The following NINL variants were observed in gnomAD, a reference collection of about 807,000 sequenced individuals.
NINL encodes the protein ninein-like protein.
In NINL, 153 loss-of-function variants were observed where a neutral mutation model predicts 160.3. The observed-to-expected ratio is 0.95, with a 90% CI of 0.84 to 1.09. NINL has a LOEUF of 1.09. NINL is among the 50% of genes least tolerant of loss of function. NINL has a pLI of 0.00. For missense variants in NINL, 1,829 were observed against 1,764.0 expected, an observed-to-expected ratio of 1.04 and a Z score of -0.66; for synonymous variants, 800 against 734.8, an observed-to-expected ratio of 1.09 and a Z score of -1.43.
At position 25,484,976 on chromosome 20, in the gene NINL, T is replaced by C. The variant is rs2063478421; in HGVS notation, c.1678-2876A>G. ...AGCGAGCGGGGCACAACATCACCCA[T>C]GTGCTGTGCCAGCTGAGGATGCACA... On this transcript the variant is annotated intron_variant, in intron 13 of 23. Coordinates refer to ENST00000278886, the MANE Select transcript of NINL (RefSeq NM_025176.6). Among the ~76,000 whole-genome samples, 5 of 152,340 alleles carry C rather than the reference T, an allele frequency of 3.3e-5. 1 individual carries two copies. Among genetic ancestry groups the C allele is most frequent in the African/African-American group, 1.2e-4 (5 of 41,568 alleles).
At chr20:25,532,076 C>T (rs749730431) in intron 1 of NINL, among the ~76,000 whole-genome samples, 4 of 152,146 alleles carry the variant, frequency 2.6e-5, no homozygotes, top group South Asian at 2.1e-4. Flanking sequence ...GCCTGGCCCA[C>T]GACACTGCAA....
intron 17 of NINL, 77 bp downstream of exon 17, chr20:25,475,966 T>C: frequency 1.4e-6 from 2 of 1,458,536 alleles, no homozygotes; most frequent in Non-Finnish European, 1.9e-6. Context: ...ATAGCACCAT[T>C]AGCAACAGGG....
chr20:25,489,034 G>A (rs2063562763), intron 13 of NINL: 1 of 591,164 alleles, frequency 1.7e-6, no homozygotes. Context: ...GCCCTGCATG[G>A]TCCCTGGACA....
chr20:25,481,932 C>A (rs1376465566), intron 14 of NINL, 36 bp downstream of exon 14: 6 of 1,586,594 alleles, frequency 3.8e-6, no homozygotes, highest in South Asian at 2.2e-5. Flanking sequence ...CAACAGCAGG[C>A]CTTGGGTCAG....
chr20:25,462,565 C>A, intron 19 of NINL, 24 bp from the exon 20 acceptor site: 3 of 1,577,788 alleles, frequency 1.9e-6, no homozygotes, highest in South Asian at 1.2e-5. Flanking sequence ...TTTTTAAATA[C>A]ATAAGAAAAA....
At chr20:25,556,426 C>T (rs1308971037) in intron 1 of NINL, among the ~76,000 whole-genome samples, 1 of 152,070 alleles carries the variant, frequency 6.6e-6, no homozygotes. Context: ...GAGTTTGAGA[C>T]TAGCCTGGGT....
intron 1 of NINL, among the ~76,000 whole-genome samples, chr20:25,530,435 T>C (rs394798): frequency 0.027 from 4,117 of 152,210 alleles, 177 homozygotes; most frequent in African/African-American, 0.09. Flanking sequence ...GAGAGAGACG[T>C]TGGGCAAATC....
intron 1 of NINL, among the ~76,000 whole-genome samples, chr20:25,578,075 G>T (rs2065136128): frequency 6.7e-6 from 1 of 149,518 alleles, no homozygotes; most frequent in African/African-American, 2.5e-5. Flanking sequence ...CAGGTGATCT[G>T]CCTGCCTCGG....
At position 25,476,500 on chromosome 20, in the gene NINL, C is replaced by T. The variant is rs763880847; in HGVS notation, c.2791G>A (p.Ala931Thr). 1.2e-6 allele frequency: 2 copies of T among 1,603,796 alleles called. No homozygotes were observed. The highest frequency in any genetic ancestry group is 1.7e-5 in the Admixed American group (1 of 59,998). ...CGGGCTCCAGGCTGCTCCAGCCCCG[C>T]TGCGCTCGCGCCGAAAGGCTCTGGC... ...KEPEPFGASA[A>T]GLEQPGAREL... The change falls in exon 17 of 24, where the codon GCG becomes ACG. Residue 931 changes from alanine to threonine, a missense_variant. Transcript: ENST00000278886.
chr20:25,585,021 C>G (rs1416285697), intron 1 of NINL, among the ~76,000 whole-genome samples: 1 of 151,506 alleles, frequency 6.6e-6, no homozygotes, highest in East Asian at 1.9e-4. Context: ...AATCCTGGGC[C>G]TCGACCAGAC....
chr20:25,560,084 TA>T (rs1343093378), intron 1 of NINL, among the ~76,000 whole-genome samples: 2 of 152,320 alleles, frequency 1.3e-5, no homozygotes, highest in African/African-American at 4.8e-5. Flanking sequence ...TAGCTGGGAC[TA>T]CAGCCATGTG....
chr20:25,498,160 C>T (rs199631282), intron 9 of NINL, 50 bp downstream of exon 9: 15 of 1,604,416 alleles, frequency 9.3e-6, no homozygotes, highest in African/African-American at 1.3e-5. Context: ...CCTCCAGGCC[C>T]ACCTGGCCAG....
intron 9 of NINL, 71 bp from the exon 10 acceptor site, chr20:25,496,874 G>T: frequency 6.3e-7 from 1 of 1,582,842 alleles, no homozygotes; most frequent in East Asian, 2.2e-5. Flanking sequence ...AGGTGGCTCT[G>T]GGCCCCATAT....
chr20:25,522,874 C>T (rs899837530), intron 2 of NINL, among the ~76,000 whole-genome samples: 1 of 152,204 alleles, frequency 6.6e-6, no homozygotes, highest in Non-Finnish European at 1.5e-5. Context: ...TCTGCATGAT[C>T]TTAGACTCAT....
At chr20:25,460,968 A>G (rs768863761) in intron 21 of NINL, among the ~76,000 whole-genome samples, 3 of 151,992 alleles carry the variant, frequency 2.0e-5, no homozygotes, top group South Asian at 4.1e-4. Flanking sequence ...CCCCCTCCAC[A>G]AGCATCCCCT....
rs960838569 is a variant in NINL at position 25,505,991 on chromosome 20, C to T, written c.518-913G>A. On this transcript the variant is annotated intron_variant, in intron 5 of 23. Coordinates refer to ENST00000278886, the MANE Select transcript of NINL (RefSeq NM_025176.6). Reference sequence around the variant, plus strand: ...TTAAAAGAGGCAGAGGGGCTGGGCGCGGTGGCTTACGCCTGTAATCCCAGC... The same window carrying T: ...TTAAAAGAGGCAGAGGGGCTGGGCGTGGTGGCTTACGCCTGTAATCCCAGC... Among the ~76,000 whole-genome samples the T allele has an allele frequency of 1.8e-4, 28 of 152,204 alleles. 1 individual carries two copies. The highest frequency in any genetic ancestry group is 3.9e-4 in the African/African-American group (16 of 41,450).
chr20:25,484,588 A>T (rs1381623504), intron 13 of NINL, among the ~76,000 whole-genome samples: 1 of 152,234 alleles, frequency 6.6e-6, no homozygotes, highest in African/African-American at 2.4e-5. Context: ...CACGAAAATA[A>T]TTAAAAACCA....
intron 5 of NINL, among the ~76,000 whole-genome samples, chr20:25,509,091 AG>A (rs2064018409): frequency 6.6e-6 from 1 of 152,162 alleles, no homozygotes; most frequent in Non-Finnish European, 1.5e-5. Flanking sequence ...ATGTGGTGGA[AG>A]GGATGCTTTG....
At chr20:25,510,264 G>A (rs1174144468) in intron 5 of NINL, among the ~76,000 whole-genome samples, 1 of 152,252 alleles carries the variant, frequency 6.6e-6, no homozygotes, top group Non-Finnish European at 1.5e-5. Context: ...GCACAGCAAG[G>A]GAGAGGCTGT....
Sources: gnomAD v4.1 joint callset for allele counts (sites outside exome capture counted in the v4.1 genomes callset) on GRCh38, gnomAD v4.1.1 for gene constraint, MANE v1.5 for transcripts, NCBI Gene and HGNC (gene_info 2026-07-23, HGNC 2026-07-21) for gene names.